Variants in SCPEP1 observed in about 807,000 individuals in gnomAD.
SCPEP1 encodes retinoid-inducible serine carboxypeptidase.
SCPEP1 carries 51 observed loss-of-function variants against 63.8 expected under a neutral mutation model. The ratio of observed to expected loss-of-function variants is 0.80; its 90% confidence interval spans 0.64 to 1.01. The LOEUF is 1.01. Ranked by LOEUF, SCPEP1 falls within the 50% of genes least tolerant of loss-of-function variation. SCPEP1 has a pLI of 0.00. For missense variants in SCPEP1, 499 were observed against 554.9 expected (o/e 0.90, Z 1.01); for synonymous variants, 204 against 207.8 (o/e 0.98, Z 0.16).
intron 11 of SCPEP1, 39 bp downstream of exon 11, chr17:57,001,031 A>G: frequency 2.5e-6 from 4 of 1,611,600 alleles, no homozygotes; most frequent in Non-Finnish European, 1.7e-6. Context: ...AGGCAGTTTT[A>G]TGGGTTCAAC....
In SCPEP1 at chr17:56,982,151, C is replaced by T. The variant is rs184924508; in HGVS notation, c.225+921C>T. Among the ~76,000 whole-genome samples, 137 of 152,258 alleles carry T rather than the reference C, an allele frequency of 9.0e-4. 1 individual carries two copies. Among genetic ancestry groups the T allele is most frequent in the African/African-American group, 3.1e-3 (130 of 41,546 alleles). Reference sequence around the variant, plus strand: ...TGTCCAGAGATGGCCCACCCCCACCCGGAAGACCACCCACCAGGGAGGAAT... The same window carrying T: ...TGTCCAGAGATGGCCCACCCCCACCTGGAAGACCACCCACCAGGGAGGAAT... On this transcript the variant is annotated intron_variant, in intron 2 of 12. Transcript: ENST00000262288.
chr17:56,996,895 CCTT>C, intron 8 of SCPEP1, 64 bp from the exon 9 acceptor site: 2 of 1,000,766 alleles, frequency 2.0e-6, no homozygotes, highest in Non-Finnish European at 3.0e-6. Flanking sequence ...AGCCATGTGT[CCTT>C]CTGTTTGGCA....
At chr17:56,982,037 G>A (rs1025003442) in intron 2 of SCPEP1, among the ~76,000 whole-genome samples, 2 of 152,166 alleles carry the variant, frequency 1.3e-5, no homozygotes, top group African/African-American at 4.8e-5. Context: ...TTTTAACCTT[G>A]AGCTCTGATT....
At chr17:57,006,078 G>A (rs761734300) in intron 12 of SCPEP1, 95 bp from the exon 13 acceptor site, 13 of 928,874 alleles carry the variant, frequency 1.4e-5, no homozygotes, top group Non-Finnish European at 1.7e-6. Flanking sequence ...CACAGAGCTG[G>A]CTCCCTTTTG....
chr17:56,988,648 C>T (rs866544775), intron 5 of SCPEP1, among the ~76,000 whole-genome samples: 9 of 151,622 alleles, frequency 5.9e-5, no homozygotes, highest in Middle Eastern at 3.4e-3. Context: ...TATAAGATAA[C>T]GTTTCAAATC....
At position 57,000,000 on chromosome 17, in the gene SCPEP1, A is replaced by G. The variant is rs1453984189; in HGVS notation, c.995-855A>G. On this transcript the variant is annotated intron_variant, in intron 10 of 12. Coordinates refer to ENST00000262288, the MANE Select transcript of SCPEP1 (RefSeq NM_021626.3). Reference sequence around the variant, plus strand: ...TCTGTCTAAAAAAAAAAAAAAAAAAAAGAGCTGGGCGTGGTGGTGTGCATC... The same window carrying G: ...TCTGTCTAAAAAAAAAAAAAAAAAAGAGAGCTGGGCGTGGTGGTGTGCATC... Among the ~76,000 whole-genome samples the G allele has an allele frequency of 4.6e-5, 7 of 150,634 alleles. No homozygotes were observed. In the South Asian group the frequency reaches 1.3e-3, roughly 27 times the overall value.
chr17:56,985,431 C>A lies in SCPEP1; in HGVS notation c.279C>A (p.Pro93=). ...TTGGAAACTTTGAGGAAATTGGGCC[C>A]CTTGACAGTGATCTCAAACCACGGA... ...TGFGNFEEIG[P]LDSDLKPRKT... is the part of the protein sequence containing the mutation. Residue 93 remains proline, a synonymous_variant, in exon 3 of 13, where the codon CCC becomes CCA. Transcript: ENST00000262288. 1 of 1,614,150 alleles carries A rather than the reference C, an allele frequency of 6.2e-7. No individual in the cohort carries two copies. Among genetic ancestry groups the A allele is most frequent in the Non-Finnish European group, 8.5e-7 (1 of 1,180,020 alleles).
intron 12 of SCPEP1, 131 bp from the exon 13 acceptor site, chr17:57,006,042 G>A (rs1911881045): frequency 6.4e-6 from 4 of 623,542 alleles, no homozygotes; most frequent in Non-Finnish European, 1.1e-5. Context: ...TCAGGGATGT[G>A]CCCAGGTGTC....
intron 5 of SCPEP1, among the ~76,000 whole-genome samples, chr17:56,989,729 T>C (rs988981190): frequency 7.9e-5 from 12 of 152,130 alleles, no homozygotes; most frequent in Non-Finnish European, 1.2e-4. Context: ...GGCAGATCGC[T>C]TGAGGTTAGG....
At chr17:56,995,673 C>G in intron 8 of SCPEP1, 38 bp downstream of exon 8, 1 of 1,607,286 alleles carries the variant, frequency 6.2e-7, no homozygotes, top group East Asian at 2.2e-5. Flanking sequence ...GCCTGCTTGG[C>G]TTTTTCTGGT....
At chr17:57,005,798 G>T (rs1271814760) in intron 12 of SCPEP1, among the ~76,000 whole-genome samples, 1 of 152,126 alleles carries the variant, frequency 6.6e-6, no homozygotes, top group Non-Finnish European at 1.5e-5. Context: ...CTCAATCCGG[G>T]ATCCCTTCTA....
intron 2 of SCPEP1, chr17:56,985,103 TGAAAAGAAAA>T (rs3056052): frequency 4.2e-5 from 16 of 382,606 alleles, no homozygotes; most frequent in Non-Finnish European, 5.7e-5. Flanking sequence ...AGACTCTGTC[TGAAAAGAAAA>T]GAAAAGAAAA....
chr17:56,994,431 G>A (rs1175125842), intron 6 of SCPEP1, among the ~76,000 whole-genome samples: 1 of 152,214 alleles, frequency 6.6e-6, no homozygotes, highest in Non-Finnish European at 1.5e-5. Context: ...AGCTTTTGCT[G>A]CCTCTAGACC....
intron 6 of SCPEP1, among the ~76,000 whole-genome samples, chr17:56,992,972 A>G (rs1215401470): frequency 6.6e-6 from 1 of 152,184 alleles, no homozygotes. Flanking sequence ...TTCCAGATCC[A>G]CTTTAAGTAT....
chr17:56,988,115 G>C, intron 4 of SCPEP1, 101 bp from the exon 5 acceptor site: 2 of 996,796 alleles, frequency 2.0e-6, no homozygotes, highest in Non-Finnish European at 3.0e-6. Flanking sequence ...AAGCAGATTT[G>C]TTTTTTCTGG....
chr17:56,980,712 C>T (rs1191792347), intron 1 of SCPEP1, among the ~76,000 whole-genome samples: 6 of 149,718 alleles, frequency 4.0e-5, no homozygotes, highest in East Asian at 3.9e-4. Context: ...CGCTTGAACC[C>T]GGAAGGCAGA....
At chr17:56,985,533 G>T in intron 3 of SCPEP1, 66 bp downstream of exon 3, 3 of 1,182,482 alleles carry the variant, frequency 2.5e-6, no homozygotes, top group Non-Finnish European at 3.8e-6. Flanking sequence ...GCCCAACTCT[G>T]GGAGGGGCCA....
intron 2 of SCPEP1, 93 bp downstream of exon 2, chr17:56,981,323 A>G (rs2095669619): frequency 1.4e-6 from 2 of 1,429,390 alleles, no homozygotes; most frequent in African/African-American, 2.8e-5. Context: ...TCAGCAGTGA[A>G]GGGCGGATTT....
At chr17:56,996,827 A>G (rs935914201) in intron 8 of SCPEP1, 135 bp from the exon 9 acceptor site, 17 of 550,430 alleles carry the variant, frequency 3.1e-5, no homozygotes, top group Middle Eastern at 4.6e-4. Context: ...CCAAAGCTCT[A>G]TTTCTTTCTG....
Sources: gnomAD v4.1 joint callset for allele counts (sites outside exome capture counted in the v4.1 genomes callset) on GRCh38, gnomAD v4.1.1 for gene constraint, MANE v1.5 for transcripts, NCBI Gene and HGNC (gene_info 2026-07-23, HGNC 2026-07-21) for gene names.